PLCH1: variants seen among roughly 807,000 people sequenced by gnomAD.
PLCH1 encodes the protein phospholipase C eta 1, also known as 1-phosphatidylinositol 4,5-bisphosphate phosphodiesterase eta-1.
Under a neutral mutation model 126.7 loss-of-function variants are expected in PLCH1, and 60 were observed. That is an observed-to-expected ratio of 0.47 (90% confidence interval 0.38 to 0.59). PLCH1 has a LOEUF of 0.59. PLCH1 is among the 20% of genes least tolerant of loss of function. The pLI is 0.00. For synonymous variants in PLCH1, 719 were observed against 734.9 expected, an observed-to-expected ratio of 0.98 and a Z score of 0.35; for missense variants, 1,723 against 2,040.0, an observed-to-expected ratio of 0.84 and a Z score of 2.99.
At chr3:155,732,050 T>C (rs1748815111) in intron 1 of PLCH1, among the ~76,000 whole-genome samples, 1 of 135,956 alleles carries the variant, frequency 7.4e-6, no homozygotes, top group Non-Finnish European at 1.6e-5. Flanking sequence ...AATAAAACAC[T>C]ACTAACCAAC....
intron 2 of PLCH1, among the ~76,000 whole-genome samples, chr3:155,630,274 C>T (rs549246277): frequency 6.6e-6 from 1 of 152,232 alleles, no homozygotes; most frequent in Non-Finnish European, 1.5e-5. Context: ...TATCTCAGAG[C>T]CAGTGAATTT....
intron 4 of PLCH1, among the ~76,000 whole-genome samples, chr3:155,588,609 A>C (rs1271489572): frequency 1.3e-5 from 2 of 152,184 alleles, no homozygotes; most frequent in Non-Finnish European, 2.9e-5. Context: ...GGACAGCCAA[A>C]CCCTAAGCAT....
At chr3:155,686,697 C>T (rs937637018) in intron 2 of PLCH1, among the ~76,000 whole-genome samples, 22 of 152,314 alleles carry the variant, frequency 1.4e-4, no homozygotes, top group African/African-American at 5.3e-4. Flanking sequence ...CAATCAAATA[C>T]TTACCAGGCA....
At chr3:155,618,790 A>G (rs975572108) in intron 2 of PLCH1, among the ~76,000 whole-genome samples, 1 of 152,148 alleles carries the variant, frequency 6.6e-6, no homozygotes, top group Non-Finnish European at 1.5e-5. Flanking sequence ...CCTGAGGGGA[A>G]GAAGTGCTGA....
rs976802909 is a variant in PLCH1, at chr3:155,497,382, C to T, written c.1832G>A (p.Arg611Gln). 1.4e-5 allele frequency: 22 copies of T among 1,613,782 alleles called. No homozygotes were observed. Among genetic ancestry groups the T allele is most frequent in the East Asian group, 8.9e-5 (4 of 44,888 alleles). Residue 611 changes from arginine (R) to glutamine (Q), a missense_variant, in exon 15 of 23, where the codon CGA (arginine) becomes CAA (glutamine). This residue lies in a region of PLCH1 where 776 missense variants were observed against 1,062.9 expected (regional missense o/e 0.73). Coordinates refer to ENST00000460012, the MANE Select transcript of PLCH1 (RefSeq NM_014996.4). ...GTACACAACCAAATCAGAGAGTTCTCGGCAGAGCTTCATGGTTTTCCTTCG... is the reference window on the plus strand; with the variant it reads ...GTACACAACCAAATCAGAGAGTTCTTGGCAGAGCTTCATGGTTTTCCTTCG... ...GRRRKTMKLC[R>Q]ELSDLVVYTN...
intron 2 of PLCH1, among the ~76,000 whole-genome samples, chr3:155,633,468 G>C (rs1326970407): frequency 6.7e-6 from 1 of 148,826 alleles, no homozygotes; most frequent in Non-Finnish European, 1.5e-5. Context: ...ACACCTACTT[G>C]CATTATTATT....
At position 155,700,413 on chromosome 3, in the gene PLCH1, C is replaced by A. The variant is rs373558207; in HGVS notation, c.79+3733G>T. 1.2e-4 allele frequency among the ~76,000 whole-genome samples: 19 copies of A among 152,238 alleles called. No individual in the cohort carries two copies. The South Asian group carries it at 3.9e-3, about 32-fold the overall frequency. On this transcript the variant is annotated intron_variant, in intron 2 of 22. Transcript: ENST00000460012. ...ATAAATATTTAATAAGAGAATTACC[C>A]TTAATTTTATCCCTAGATAGTAAAA... is the stretch of plus-strand genomic sequence containing the variant.
intron 10 of PLCH1, among the ~76,000 whole-genome samples, chr3:155,546,113 T>G (rs1161472035): frequency 6.6e-6 from 1 of 152,188 alleles, no homozygotes; most frequent in African/African-American, 2.4e-5. Context: ...TGTTTGCAGA[T>G]GACATGTTTG....
chr3:155,529,853 G>GC (rs1423841478), intron 10 of PLCH1, among the ~76,000 whole-genome samples: 2 of 151,966 alleles, frequency 1.3e-5, no homozygotes, highest in African/African-American at 2.4e-5. Context: ...TGCAACCTCC[G>GC]CCCCCCGGGT....
At chr3:155,574,525 T>C (rs1317645003) in intron 6 of PLCH1, among the ~76,000 whole-genome samples, 7 of 152,324 alleles carry the variant, frequency 4.6e-5, no homozygotes, top group Non-Finnish European at 7.3e-5. Context: ...TCCTCTCCTG[T>C]TCTCTTTGTA....
intron 1 of PLCH1, among the ~76,000 whole-genome samples, chr3:155,725,823 A>G (rs1181472896): frequency 1.3e-5 from 2 of 152,188 alleles, no homozygotes; most frequent in Non-Finnish European, 2.9e-5. Flanking sequence ...ATGATTAGTG[A>G]TACAATGGAA....
chr3:155,475,820 A>G (rs1713521579), downstream of PLCH1, among the ~76,000 whole-genome samples: 1 of 152,156 alleles, frequency 6.6e-6, no homozygotes, highest in Non-Finnish European at 1.5e-5. Context: ...AGCTGTAATA[A>G]AAAAGTCTCT....
intron 2 of PLCH1, among the ~76,000 whole-genome samples, chr3:155,630,227 A>C (rs761954914): frequency 1.3e-5 from 2 of 152,226 alleles, no homozygotes; most frequent in Non-Finnish European, 2.9e-5. Context: ...AAAATTAAAG[A>C]GTATTTTAAG....
intron 3 of PLCH1, among the ~76,000 whole-genome samples, chr3:155,594,436 G>A (rs958217636): frequency 2.6e-5 from 4 of 152,016 alleles, no homozygotes; most frequent in South Asian, 4.2e-4. Flanking sequence ...GGCCGGGCAC[G>A]GTGGCGGGTG....
intron 21 of PLCH1, among the ~76,000 whole-genome samples, chr3:155,471,753 A>G (rs1425622095): frequency 6.6e-6 from 1 of 152,096 alleles, no homozygotes; most frequent in African/African-American, 2.4e-5. Flanking sequence ...CAATCAAACT[A>G]GAACTCAGGA....
At chr3:155,649,990 A>G (rs886150894) in intron 2 of PLCH1, among the ~76,000 whole-genome samples, 6 of 152,012 alleles carry the variant, frequency 3.9e-5, no homozygotes, top group African/African-American at 7.2e-5. Context: ...AAAAAAAAGA[A>G]GTAGAATTAA....
chr3:155,739,555 C>T (rs1260788308), intron 1 of PLCH1, among the ~76,000 whole-genome samples: 1 of 152,080 alleles, frequency 6.6e-6, no homozygotes, highest in African/African-American at 2.4e-5. Flanking sequence ...AATGCAGTTT[C>T]TTTACTCTCC....
rs182248891 is a variant in PLCH1 at position 155,592,614 on chromosome 3, G to A, written c.470+1327C>T. 1.7e-3 allele frequency among the ~76,000 whole-genome samples: 252 copies of A among 152,290 alleles called. 2 individuals carry two copies. The highest frequency in any genetic ancestry group is 2.8e-3 in the Non-Finnish European group (189 of 68,026). ...ACCAAAGGGCAGTCGGCTGCAAGAC[G>A]AAGCCAACACGGTGAGAATGGCAGG... On this transcript the variant is annotated intron_variant, in intron 4 of 22. Coordinates refer to ENST00000460012, the MANE Select transcript of PLCH1 (RefSeq NM_014996.4).
chr3:155,660,426 G>A (rs1380184474), intron 2 of PLCH1, among the ~76,000 whole-genome samples: 1 of 152,156 alleles, frequency 6.6e-6, no homozygotes, highest in Non-Finnish European at 1.5e-5. Context: ...GTCAACCCCT[G>A]TAGGTCTTAC....
Sources: gnomAD v4.1 joint callset for allele counts (sites outside exome capture counted in the v4.1 genomes callset) on GRCh38, gnomAD v4.1.1 for gene constraint, gnomAD v4.1.1 regional missense constraint, MANE v1.5 for transcripts, NCBI Gene and HGNC (gene_info 2026-07-23, HGNC 2026-07-21) for gene names.